NR1H4: variants seen among roughly 807,000 people sequenced by gnomAD.
The protein encoded by NR1H4 is bile acid receptor.
NR1H4 carries 23 observed loss-of-function variants against 58.5 expected under a neutral mutation model. That is an observed-to-expected ratio of 0.39 (90% confidence interval 0.28 to 0.56). The LOEUF (loss-of-function observed/expected upper bound fraction) is 0.56. Ranked by LOEUF, NR1H4 falls within the 20% of genes least tolerant of loss-of-function variation. The probability of loss-of-function intolerance (pLI) is 0.58; values close to 1 mark genes in which losing one functional copy is unlikely to be tolerated. For missense variants in NR1H4, 487 were observed against 576.9 expected (o/e 0.84, Z 1.60); for synonymous variants, 214 against 198.0 (o/e 1.08, Z -0.68).
chr12:100,539,665 A>G (rs1954892024), intron 8 of NR1H4, among the ~76,000 whole-genome samples: 1 of 152,222 alleles, frequency 6.6e-6, no homozygotes, highest in Non-Finnish European at 1.5e-5. Context: ...ATTCTTAGGT[A>G]CCTATTATGT....
At chr12:100,476,986 A>G (rs1953284936) in intron 1 of NR1H4, among the ~76,000 whole-genome samples, 1 of 152,222 alleles carries the variant, frequency 6.6e-6, no homozygotes, top group Non-Finnish European at 1.5e-5. Flanking sequence ...GCTAAAAGGC[A>G]TCACCATACG....
intron 3 of NR1H4, chr12:100,503,265 C>A (rs1271335927): frequency 7.7e-7 from 1 of 1,291,478 alleles, no homozygotes. Flanking sequence ...GCATTAAGAA[C>A]TTTCCTCATA....
intron 3 of NR1H4, among the ~76,000 whole-genome samples, chr12:100,497,325 C>T (rs940360516): frequency 1.1e-4 from 17 of 152,134 alleles, no homozygotes; most frequent in African/African-American, 3.4e-4. Context: ...TAGGAACGTG[C>T]GGCATGCTCT....
chr12:100,550,656 G>C (rs547708945), intron 9 of NR1H4, among the ~76,000 whole-genome samples: 1 of 151,026 alleles, frequency 6.6e-6, no homozygotes, highest in African/African-American at 2.4e-5. Context: ...GTGAGCCACC[G>C]CGCCTGGCCC....
intron 6 of NR1H4, among the ~76,000 whole-genome samples, chr12:100,535,491 A>G (rs1046171286): frequency 6.6e-6 from 1 of 152,254 alleles, no homozygotes; most frequent in South Asian, 2.1e-4. Flanking sequence ...CAAGAAATCC[A>G]TTGAGCAACT....
At chr12:100,518,261 G>T (rs537882883) in intron 4 of NR1H4, among the ~76,000 whole-genome samples, 1 of 152,302 alleles carries the variant, frequency 6.6e-6, no homozygotes, top group East Asian at 1.9e-4. Flanking sequence ...CTTAAAGGTG[G>T]TCAGGGGAAG....
chr12:100,543,594 C>G (rs1198593414), intron 9 of NR1H4, among the ~76,000 whole-genome samples: 2 of 150,868 alleles, frequency 1.3e-5, no homozygotes, highest in African/African-American at 4.9e-5. Context: ...TGTGTCCAGG[C>G]TAAGGGGAAA....
intron 1 of NR1H4, among the ~76,000 whole-genome samples, chr12:100,478,859 C>T (rs1953323355): frequency 6.6e-6 from 1 of 152,304 alleles, no homozygotes. Flanking sequence ...TATGCCCCCA[C>T]TAGCAATATG....
intron 3 of NR1H4, among the ~76,000 whole-genome samples, chr12:100,497,104 G>C (rs1281602336): frequency 2.0e-5 from 3 of 152,128 alleles, no homozygotes; most frequent in Non-Finnish European, 2.9e-5. Context: ...TCCCTGGTGT[G>C]GGGGAGGCCA....
chr12:100,560,049 T>C (rs1490189969), intron 9 of NR1H4, among the ~76,000 whole-genome samples: 1 of 152,074 alleles, frequency 6.6e-6, no homozygotes, highest in Non-Finnish European at 1.5e-5. Context: ...GCTCAAGGTT[T>C]GTGAATGCAC....
chr12:100,508,413 A>T (rs754830720), intron 3 of NR1H4, among the ~76,000 whole-genome samples: 1 of 152,154 alleles, frequency 6.6e-6, no homozygotes, highest in Non-Finnish European at 1.5e-5. Context: ...GGGGGTAACA[A>T]ACACAAGTAG....
At chr12:100,508,642 T>A (rs11110403) in intron 3 of NR1H4, among the ~76,000 whole-genome samples, 5,492 of 151,936 alleles carry the variant, frequency 0.036, 365 homozygotes, top group East Asian at 0.29. Flanking sequence ...CCTCATAGAG[T>A]TTTGTGAGGA....
In NR1H4 at chr12:100,547,705, TTTTATTTATTTA is replaced by T. The variant is rs146393173; in HGVS notation, c.1078+6907_1078+6918del. 6.7e-5 allele frequency among the ~76,000 whole-genome samples: 10 copies of T among 149,890 alleles called. 1 individual carries two copies. In the South Asian group the frequency reaches 8.6e-4, roughly 13 times the overall value. Reference sequence around the variant, plus strand: ...CAGAAGCAATTGTCTTATTCCTTTGTTTTATTTATTTATTTATTTATTTATTTATTTTGAGAC... The same window carrying T: ...CAGAAGCAATTGTCTTATTCCTTTGTTTTATTTATTTATTTATTTTGAGAC... On this transcript the variant is annotated intron_variant, in intron 9 of 10. Transcript: ENST00000392986.
At chr12:100,546,422 G>A (rs1049889247) in intron 9 of NR1H4, among the ~76,000 whole-genome samples, 6 of 152,018 alleles carry the variant, frequency 3.9e-5, no homozygotes, top group Non-Finnish European at 7.4e-5. Context: ...ATTGCCGGGC[G>A]CGGTGGCTCA....
chr12:100,545,104 T>G (rs1283080115), intron 9 of NR1H4, among the ~76,000 whole-genome samples: 7 of 152,066 alleles, frequency 4.6e-5, no homozygotes, highest in African/African-American at 1.7e-4. Context: ...TGTCTCTTTT[T>G]CTCTCCTGGA....
At chr12:100,559,806 C>T (rs1000115634) in intron 9 of NR1H4, among the ~76,000 whole-genome samples, 57 of 152,252 alleles carry the variant, frequency 3.7e-4, no homozygotes, top group Admixed American at 5.2e-4. Flanking sequence ...CACCTGCAGC[C>T]CTGGTGCCGG....
At chr12:100,528,522 A>C (rs1954617078) in intron 4 of NR1H4, among the ~76,000 whole-genome samples, 1 of 152,186 alleles carries the variant, frequency 6.6e-6, no homozygotes, top group Non-Finnish European at 1.5e-5. Flanking sequence ...AACCCTGTCT[A>C]CTTATCCTGT....
chr12:100,561,835 A>G (rs772575961), intron 9 of NR1H4, 50 bp from the exon 10 acceptor site: 2 of 808,368 alleles, frequency 2.5e-6, no homozygotes, highest in Admixed American at 1.7e-5. Context: ...CTAGTTTTAC[A>G]CTGTTTAGTC....
intron 8 of NR1H4, among the ~76,000 whole-genome samples, chr12:100,539,234 G>A (rs1954882038): frequency 1.3e-5 from 2 of 151,924 alleles, no homozygotes; most frequent in Non-Finnish European, 2.9e-5. Context: ...GAAATAAAAG[G>A]CAAAAACCCT....
Sources: allele counts gnomAD v4.1 joint callset (sites outside exome capture counted in the v4.1 genomes callset), GRCh38; gene constraint gnomAD v4.1.1; transcripts MANE v1.5; gene names NCBI Gene and HGNC (gene_info 2026-07-23, HGNC 2026-07-21).